The following FAM90A1 variants were observed in gnomAD, a reference collection of about 807,000 sequenced individuals.
FAM90A1 encodes the protein protein FAM90A1.
A neutral mutation model predicts 14.8 loss-of-function variants in FAM90A1; 10 were observed. The observed-to-expected ratio is 0.67, with a 90% CI of 0.42 to 1.14. The LOEUF (loss-of-function observed/expected upper bound fraction) is 1.14. FAM90A1 is among the 50% of genes most tolerant of loss of function. The pLI is 0.00. For missense variants in FAM90A1, 567 were observed against 602.8 expected (o/e 0.94, Z 0.62); for synonymous variants, 236 against 248.4 (o/e 0.95, Z 0.47).
Position 8,223,481 on chromosome 12 carries a change from T to C in FAM90A1, c.400A>G (p.Lys134Glu), listed in dbSNP as rs375719314. ...TAATCAGAAGATTCCGTGGATCCTTTTTGATTTGGCAGCGGCTTCTCTGGA... is the reference window on the plus strand; with the variant it reads ...TAATCAGAAGATTCCGTGGATCCTTCTTGATTTGGCAGCGGCTTCTCTGGA... ...KPPEKPLPNQ[K>E]GSTESSDYLR... The change falls in exon 6 of 7, where the codon AAA becomes GAA. Residue 134 changes from lysine to glutamate, a missense_variant. Transcript: ENST00000538603. 3 of 1,609,886 alleles carry C rather than the reference T, an allele frequency of 1.9e-6. No individual in the cohort carries two copies. Among genetic ancestry groups the C allele is most frequent in the East Asian group, 4.5e-5 (2 of 44,858 alleles).
rs113537690 is a variant in FAM90A1 at position 8,224,001 on chromosome 12, A to C, written c.323+15T>G. 6.2e-7 allele frequency: 1 copy of C among 1,610,986 alleles called. No individual in the cohort carries two copies. Among genetic ancestry groups the C allele is most frequent in the Non-Finnish European group, 8.5e-7 (1 of 1,179,216 alleles). On this transcript the variant is annotated intron_variant, in intron 5 of 6. Transcript: ENST00000538603. ...CAGTACCCTAAGAGTGGTGAAAACC[A>C]CTCCCACTGCTCACCTTGGTCTCTC...
intron 6 of FAM90A1, among the ~76,000 whole-genome samples, chr12:8,223,144 T>C (rs944393216): frequency 2.0e-5 from 3 of 152,268 alleles, no homozygotes; most frequent in African/African-American, 7.2e-5. Context: ...TCTGAACATA[T>C]GCATGTTCCT....
chr12:8,222,928 C>A, intron 6 of FAM90A1, 144 bp from the exon 7 acceptor site: 1 of 839,280 alleles, frequency 1.2e-6, no homozygotes, highest in Non-Finnish European at 1.9e-6. Context: ...GGGACAGACC[C>A]TCCACCTGAG....
chr12:8,225,802 T>C (rs1421992868), intron 3 of FAM90A1, 34 bp downstream of exon 3: 2 of 152,082 alleles, frequency 1.3e-5, no homozygotes, highest in African/African-American at 4.8e-5. Context: ...CCTCAGGGAT[T>C]GCGTGAAACA....
In FAM90A1 at chr12:8,224,109, TC is replaced by T. The variant is rs755359109; in HGVS notation, c.229del (p.Glu77LysfsTer6). On this transcript the variant is annotated frameshift_variant, in exon 5 of 7. Transcript: ENST00000538603. LOFTEE classifies it high-confidence loss of function. The part of the protein sequence containing the change: ...ALVPPNFGEK[E>X]GKENLKPWKP... ...CCATGGTTTCAGGTTTTCCTTCCCT[TC>T]CTTTTCCCCAAAGTTCGGTGGAACC... 2 of 1,612,040 alleles carry T rather than the reference TC, an allele frequency of 1.2e-6. No individual in the cohort carries two copies. Among genetic ancestry groups the T allele is most frequent in the Non-Finnish European group, 1.7e-6 (2 of 1,179,866 alleles).
intron 4 of FAM90A1, 39 bp downstream of exon 4, chr12:8,224,671 C>G: frequency 7.7e-7 from 1 of 1,306,454 alleles, no homozygotes; most frequent in Non-Finnish European, 1.1e-6. Flanking sequence ...CCGCCCCCAC[C>G]CCCACCCCAA....
At chr12:8,223,004 C>T (rs1406791392) in intron 6 of FAM90A1, among the ~76,000 whole-genome samples, 1 of 152,218 alleles carries the variant, frequency 6.6e-6, no homozygotes, top group African/African-American at 2.4e-5. Flanking sequence ...CTAAGCACAC[C>T]ATTGTTCAAA....
At chr12:8,226,916 A>G (rs994258739) in intron 1 of FAM90A1, among the ~76,000 whole-genome samples, 29 of 143,506 alleles carry the variant, frequency 2.0e-4, no homozygotes, top group African/African-American at 7.4e-4. Context: ...AGCAATTCTC[A>G]TGCCTCAGCC....
At chr12:8,226,116 A>C (rs1164878016) in intron 2 of FAM90A1, 124 bp from the exon 3 acceptor site, 1 of 152,196 alleles carries the variant, frequency 6.6e-6, no homozygotes, top group African/African-American at 2.4e-5. Flanking sequence ...TCCACTGCTG[A>C]CAGACATTCT....
At chr12:8,223,178 G>A (rs1181725962) in intron 6 of FAM90A1, among the ~76,000 whole-genome samples, 1 of 152,196 alleles carries the variant, frequency 6.6e-6, no homozygotes, top group Non-Finnish European at 1.5e-5. Flanking sequence ...TCCACGTTTG[G>A]GGCCTCTGAG....
rs1194008053 is a variant in FAM90A1, at chr12:8,221,800, G to A, written c.*22C>T. The A allele has an allele frequency of 6.3e-7, 1 of 1,590,858 alleles. No homozygotes were observed. Among genetic ancestry groups the A allele is most frequent in the Admixed American group, 1.7e-5 (1 of 59,964 alleles). On this transcript the variant is annotated 3_prime_UTR_variant, in exon 7 of 7. Coordinates refer to ENST00000538603, the MANE Select transcript of FAM90A1 (RefSeq NM_018088.3). Reference sequence around the variant, plus strand: ...CCAAGTCACGGGAGCTGGAGGCCAAGGAGCCCCTGCCACCTGCAGTCTCAC... The same window carrying A: ...CCAAGTCACGGGAGCTGGAGGCCAAAGAGCCCCTGCCACCTGCAGTCTCAC...
At position 8,224,775 on chromosome 12, in the gene FAM90A1, G is replaced by A. The variant is rs147940063; in HGVS notation, c.58C>T (p.Leu20Phe). 185 of 1,606,750 alleles carry A rather than the reference G, an allele frequency of 1.2e-4. No individual in the cohort carries two copies. Among genetic ancestry groups the A allele is most frequent in the Non-Finnish European group, 2.6e-5 (31 of 1,178,960 alleles). Residue 20 changes from leucine (L) to phenylalanine (F), a missense_variant, in exon 4 of 7, where the codon CTC becomes TTC. Coordinates refer to ENST00000538603, the MANE Select transcript of FAM90A1 (RefSeq NM_018088.3). Reference protein sequence around the residue: ...GAKRLVRAQTLQKQRRAPVGP... With the variant: ...GAKRLVRAQTFQKQRRAPVGP... ...ACTGGGGCCCTCCGCTGCTTCTGGAGGGTCTGGGCTCTCACCAGTCTCTTT... is the reference window on the plus strand; with the variant it reads ...ACTGGGGCCCTCCGCTGCTTCTGGAAGGTCTGGGCTCTCACCAGTCTCTTT...
chr12:8,221,890 G>C lies in FAM90A1; in HGVS notation c.1327C>G (p.Pro443Ala). 1 of 1,596,486 alleles carries C rather than the reference G, an allele frequency of 6.3e-7. No individual in the cohort carries two copies. Among genetic ancestry groups the C allele is most frequent in the South Asian group, 1.1e-5 (1 of 90,988 alleles). ...KSEGPCVRVPPSVLYEDLQVP... is the reference protein window; with the variant it reads ...KSEGPCVRVPASVLYEDLQVP... ...TGAAGGTCCTCATAGAGGACGCTTG[G>C]TGGGACACGAACACAGGGACCCTCA... The change falls in exon 7 of 7, where the codon CCA (proline) becomes GCA (alanine). Residue 443 changes from proline to alanine, a missense_variant. Pro to Ala is a conservative substitution (Grantham distance 27). Coordinates refer to ENST00000538603, the MANE Select transcript of FAM90A1 (RefSeq NM_018088.3).
Position 8,223,439 on chromosome 12 carries a change from T to A in FAM90A1, c.432+10A>T, listed in dbSNP as rs1178473677. 6.4e-7 allele frequency: 1 copy of A among 1,564,202 alleles called. No homozygotes were observed. Among genetic ancestry groups the A allele is most frequent in the East Asian group, 2.2e-5 (1 of 44,606 alleles). On this transcript the variant is annotated intron_variant, in intron 6 of 6. Coordinates refer to ENST00000538603, the MANE Select transcript of FAM90A1 (RefSeq NM_018088.3). Reference sequence around the variant, plus strand: ...GGAGAAAAAGACCAGGGGCCCAGGGTGACCCTCACCCTCAGATAATCAGAA... The same window carrying A: ...GGAGAAAAAGACCAGGGGCCCAGGGAGACCCTCACCCTCAGATAATCAGAA...
rs140984565 is a variant in FAM90A1, at chr12:8,224,825, G to A, written c.8C>T (p.Ala3Val). The change falls in exon 4 of 7, where the codon GCA (alanine) becomes GTA (valine). Residue 3 changes from alanine (A) to valine (V), a missense_variant. Ala to Val is a moderately conservative substitution (Grantham distance 64). Coordinates refer to ENST00000538603, the MANE Select transcript of FAM90A1 (RefSeq NM_018088.3). MM[A>V]RRDPKPGAKR... ...TGCCCCAGGTTTGGGGTCACGACGT[G>A]CCATCATCTTCGTCTCCTGGGGGTT... 673 of 1,608,076 alleles carry A rather than the reference G, an allele frequency of 4.2e-4. No individual in the cohort carries two copies. The highest frequency in any genetic ancestry group is 5.2e-4 in the Non-Finnish European group (619 of 1,179,674).
Position 8,222,601 on chromosome 12 carries a change from C to A in FAM90A1, c.616G>T (p.Ala206Ser). The A allele has an allele frequency of 6.2e-7, 1 of 1,611,972 alleles. No individual in the cohort carries two copies. Among genetic ancestry groups the A allele is most frequent in the Non-Finnish European group, 8.5e-7 (1 of 1,179,866 alleles). The change falls in exon 7 of 7, where the codon GCT (alanine) becomes TCT (serine). Residue 206 changes from alanine to serine, a missense_variant. Coordinates refer to ENST00000538603, the MANE Select transcript of FAM90A1 (RefSeq NM_018088.3). ...GCAGTCTGAGGGATGTCGGCCGCAGCCCCTGTCTGTCTTTCCTTTGGTCCA... is the reference window on the plus strand; with the variant it reads ...GCAGTCTGAGGGATGTCGGCCGCAGACCCTGTCTGTCTTTCCTTTGGTCCA... ...SLGPKERQTG[A>S]AADIPQTAVR...
Position 8,227,520 on chromosome 12 carries a change from G to A in FAM90A1, c.-461C>T, listed in dbSNP as rs750615492. 74 of 875,956 alleles carry A rather than the reference G, an allele frequency of 8.4e-5. No homozygotes were observed. The African/African-American group carries it at 1.2e-3, about 14-fold the overall frequency. The allele number at this position is 875,956 out of a possible 1,614,324, so 54.3% of individuals were successfully genotyped here. ...AGCCCGAGGCCAGCTGGCTGCAGGT[G>A]CAGGGCTATGCGTCAGGGGTCAGGG... is the stretch of plus-strand genomic sequence containing the variant. On this transcript the variant is annotated 5_prime_UTR_variant, in exon 1 of 7. Coordinates refer to ENST00000538603, the MANE Select transcript of FAM90A1 (RefSeq NM_018088.3).
In FAM90A1 at chr12:8,222,477, G is replaced by A; in HGVS notation, c.740C>T (p.Thr247Ile). Residue 247 changes from threonine (T) to isoleucine (I), a missense_variant, in exon 7 of 7, where the codon ACC becomes ATC. Transcript: ENST00000538603. ...GCTGACGGCCTGGAGCAGGCCGTGG[G>A]TTTTGGAGGCAGCCTGGGGAACTTC... ...CREVPQAASKTHGLLQAVSPQ... is the reference protein window; with the variant it reads ...CREVPQAASKIHGLLQAVSPQ... 1 of 1,607,230 alleles carries A rather than the reference G, an allele frequency of 6.2e-7. No homozygotes were observed. The highest frequency in any genetic ancestry group is 8.5e-7 in the Non-Finnish European group (1 of 1,176,232).
Position 8,227,612 on chromosome 12 carries a change from T to A in FAM90A1, c.-553A>T. ...TGGAAGGGCCCGGATGGGGCCTGAC[T>A]GGAGCTGCCGAGGGGTGGAGCTTCT... On this transcript the variant is annotated 5_prime_UTR_variant, in exon 1 of 7. Coordinates refer to ENST00000538603, the MANE Select transcript of FAM90A1 (RefSeq NM_018088.3). 1 of 1,565,988 alleles carries A rather than the reference T, an allele frequency of 6.4e-7. No homozygotes were observed. The highest frequency in any genetic ancestry group is 8.6e-7 in the Non-Finnish European group (1 of 1,163,304).
Sources: allele counts gnomAD v4.1 joint callset (sites outside exome capture counted in the v4.1 genomes callset), GRCh38; gene constraint gnomAD v4.1.1; transcripts MANE v1.5; gene names NCBI Gene and HGNC (gene_info 2026-07-23, HGNC 2026-07-21).